Variants in VGLL4 observed in about 807,000 individuals in gnomAD.
VGLL4 encodes transcription cofactor vestigial-like protein 4.
VGLL4 carries 7 observed loss-of-function variants against 21.0 expected under a neutral mutation model. The observed-to-expected ratio is 0.33, with a 90% CI of 0.19 to 0.63. VGLL4 has a LOEUF of 0.63. Among genes scored for constraint, VGLL4 ranks in the 20% least tolerant of loss-of-function variants. The pLI, the probability that VGLL4 is intolerant of heterozygous loss-of-function variation, is 0.78. For synonymous variants in VGLL4, 222 were observed against 173.2 expected, an observed-to-expected ratio of 1.28 and a Z score of -2.21; for missense variants, 394 against 425.7, an observed-to-expected ratio of 0.93 and a Z score of 0.66.
chr3:11,655,631 A>G (rs2125347419), intron 2 of VGLL4, among the ~76,000 whole-genome samples: 1 of 152,332 alleles, frequency 6.6e-6, no homozygotes, highest in African/African-American at 2.4e-5. Flanking sequence ...ACAAGGCAGG[A>G]TTTCCTGTTT....
At chr3:11,702,956 A>T (rs751416604) in intron 2 of VGLL4, 1 of 1,607,840 alleles carries the variant, frequency 6.2e-7, no homozygotes. Context: ...ATTTTATAAT[A>T]GACTCCTCAC....
chr3:11,692,739 T>A lies in VGLL4; in HGVS notation c.64+10232A>T, dbSNP rs142919484. On this transcript the variant is annotated intron_variant, in intron 2 of 5. Coordinates refer to the VGLL4 transcript ENST00000273038. ...CAGAGGTTTGTTTGGGTTGGTTTTT[T>A]TGAGGGGGGGTGGGGGGATGTTTAT... is the stretch of plus-strand genomic sequence containing the variant. Among the ~76,000 whole-genome samples the A allele has an allele frequency of 6.3e-3, 949 of 149,916 alleles. 8 individuals carry two copies. Among genetic ancestry groups the A allele is most frequent in the African/African-American group, 0.022 (916 of 40,994 alleles).
chr3:11,698,485 G>A (rs1281018492), intron 2 of VGLL4, among the ~76,000 whole-genome samples: 1 of 152,144 alleles, frequency 6.6e-6, no homozygotes, highest in East Asian at 1.9e-4. Context: ...TTCCAGCCTG[G>A]GCGAATGAGC....
Position 11,650,317 on chromosome 3 carries a change from C to A in VGLL4, c.65-48295G>T, listed in dbSNP as rs866549125. ...TGGCAATATGACGATAGAAGAAAGC[C>A]CAGGCTAATTACTAGGCTGATCTGT... On this transcript the variant is annotated intron_variant, in intron 2 of 5. Coordinates refer to the VGLL4 transcript ENST00000273038. Among the ~76,000 whole-genome samples, 36 of 152,230 alleles carry A rather than the reference C, an allele frequency of 2.4e-4. 1 individual carries two copies. In the Middle Eastern group the frequency reaches 0.02, roughly 86 times the overall value.
intron 1 of VGLL4, among the ~76,000 whole-genome samples, chr3:11,720,042 G>A (rs1040360726): frequency 1.3e-5 from 2 of 152,148 alleles, no homozygotes; most frequent in African/African-American, 4.8e-5. Context: ...GGTGCCCGCC[G>A]CGCTCCCCAC....
chr3:11,590,810 C>G (rs1221606177), intron 2 of VGLL4, among the ~76,000 whole-genome samples: 1 of 152,092 alleles, frequency 6.6e-6, no homozygotes, highest in African/African-American at 2.4e-5. Flanking sequence ...AACCACCTTG[C>G]TATGTTCCAG....
At chr3:11,666,859 C>T (rs1265916837) in intron 2 of VGLL4, among the ~76,000 whole-genome samples, 1 of 152,156 alleles carries the variant, frequency 6.6e-6, no homozygotes, top group Non-Finnish European at 1.5e-5. Context: ...ATGCTACAAC[C>T]CTCCTCTGTG....
chr3:11,571,512 C>CGT (rs2073776334), intron 2 of VGLL4, among the ~76,000 whole-genome samples: 1 of 149,966 alleles, frequency 6.7e-6, no homozygotes, highest in Non-Finnish European at 1.5e-5. Flanking sequence ...GGCAAAACCC[C>CGT]GTCTCTACAA....
rs1427643636 is a variant in VGLL4 at position 11,565,351 on chromosome 3, T to C, written c.273-332A>G. On this transcript the variant is annotated intron_variant, in intron 2 of 4. Coordinates refer to ENST00000430365, the MANE Select transcript of VGLL4 (RefSeq NM_001128219.3). This position sits in a 1 kb window ranked among gnomAD's most constrained non-coding sequence, Gnocchi z 4.1. The stretch of plus-strand genomic sequence containing the variant: ...CTGGGGAGCTGGAGGCCAAGCTGGT[T>C]CGATAAGGACCTGCCATTTGGACAG... Among the ~76,000 whole-genome samples the C allele has an allele frequency of 6.6e-6, 1 of 152,096 alleles. No homozygotes were observed. The highest frequency in any genetic ancestry group is 1.5e-5 in the Non-Finnish European group (1 of 68,010).
At position 11,581,080 on chromosome 3, in the gene VGLL4, A is replaced by ATTTT. The variant is rs775369420; in HGVS notation, c.273-16062_273-16061insAAAA. 2.4e-3 allele frequency among the ~76,000 whole-genome samples: 342 copies of ATTTT among 143,428 alleles called. 1 individual carries two copies. In the Middle Eastern group the frequency reaches 0.029, roughly 12 times the overall value. 94.1% of individuals were successfully genotyped at this position (143,428 alleles called of 152,430 possible). On this transcript the variant is annotated intron_variant, in intron 2 of 4. Transcript: ENST00000430365. ...TGCAACTCCTTTTTTTTTTTTTTTA[A>ATTTT]AAAAAAAGATAACTCTTTCTCTGTC...
intron 3 of VGLL4, among the ~76,000 whole-genome samples, chr3:11,563,497 C>A (rs2073214421): frequency 6.6e-6 from 1 of 152,228 alleles, no homozygotes; most frequent in African/African-American, 2.4e-5. Context: ...GTCCATTTCC[C>A]CAATTAGACT....
At chr3:11,709,263 C>T (rs1263638776) in intron 1 of VGLL4, among the ~76,000 whole-genome samples, 4 of 151,054 alleles carry the variant, frequency 2.6e-5, no homozygotes, top group African/African-American at 7.3e-5. Flanking sequence ...TAGAGAAACC[C>T]CGTCTCTTCT....
intron 2 of VGLL4, chr3:11,582,493 T>C: frequency 3.4e-6 from 3 of 882,020 alleles, no homozygotes; most frequent in Non-Finnish European, 5.0e-6. Context: ...CTATGGGTCC[T>C]GGGGTAGGTC....
rs767547140 is a variant in VGLL4 at position 11,564,781 on chromosome 3, CCAGA to C, written c.495+12_495+15del. The C allele has an allele frequency of 8.4e-6, 13 of 1,541,304 alleles. No homozygotes were observed. The highest frequency in any genetic ancestry group is 5.5e-5 in the African/African-American group (4 of 73,064). The stretch of plus-strand genomic sequence containing the variant: ...CCCCTGGACTCCCCACGCCACCCTC[CCAGA>C]CAGAGGCCCACCTGCTGCCGCTCCC... On this transcript the variant is annotated intron_variant, in intron 3 of 4. Transcript: ENST00000430365.
chr3:11,615,960 T>C (rs985420937), intron 1 of VGLL4, among the ~76,000 whole-genome samples: 66 of 152,172 alleles, frequency 4.3e-4, no homozygotes, highest in Admixed American at 1.3e-4. Context: ...CCATTCTTCC[T>C]TCTCACATCA....
At chr3:11,713,355 A>C (rs1190861344) in intron 1 of VGLL4, among the ~76,000 whole-genome samples, 1 of 151,990 alleles carries the variant, frequency 6.6e-6, no homozygotes, top group East Asian at 1.9e-4. Context: ...TTCCTCACAG[A>C]GGCATGTCCC....
Position 11,601,975 on chromosome 3 carries a change from C to A in VGLL4, c.130G>T (p.Ala44Ser). 6.2e-7 allele frequency: 1 copy of A among 1,606,218 alleles called. No homozygotes were observed. Among genetic ancestry groups the A allele is most frequent in the Non-Finnish European group, 8.5e-7 (1 of 1,177,312 alleles). Residue 44 changes from alanine (A) to serine (S), a missense_variant, in exon 2 of 5, where the codon GCC (alanine) becomes TCC (serine). Transcript: ENST00000430365. Reference protein sequence around the residue: ...GEPRIQTLPVASALSSHRTGP... With the variant: ...GEPRIQTLPVSSALSSHRTGP... ...GTGCGGTGACTGCTGAGGGCAGAGGCCACCGGCAGGGTCTGTATTCTGGGT... is the reference window on the plus strand; with the variant it reads ...GTGCGGTGACTGCTGAGGGCAGAGGACACCGGCAGGGTCTGTATTCTGGGT...
intron 1 of VGLL4, among the ~76,000 whole-genome samples, chr3:11,709,452 A>C (rs994405249): frequency 5.9e-5 from 9 of 151,520 alleles, no homozygotes; most frequent in South Asian, 4.2e-4. Context: ...AAAAAAAAAA[A>C]AAAAAAAACA....
chr3:11,676,405 A>AT (rs1229896240), intron 2 of VGLL4, among the ~76,000 whole-genome samples: 445 of 33,744 alleles, frequency 0.013, 5 homozygotes, highest in African/African-American at 0.028. Context: ...AAAAAAAAAA[A>AT]AAAAATAAAA....
Sources: allele counts gnomAD v4.1 joint callset (sites outside exome capture counted in the v4.1 genomes callset), GRCh38; gene constraint gnomAD v4.1.1; non-coding constraint Gnocchi (gnomAD v3.1); transcripts MANE v1.5; gene names NCBI Gene and HGNC (gene_info 2026-07-23, HGNC 2026-07-21).